Variants in ZNF638 observed in about 807,000 individuals in gnomAD.
ZNF638 encodes zinc finger protein 638.
A neutral mutation model predicts 195.6 loss-of-function variants in ZNF638; 46 were observed. The observed-to-expected ratio is 0.24, with a 90% CI of 0.19 to 0.30. The LOEUF (loss-of-function observed/expected upper bound fraction) is 0.30, where lower values mean the gene tolerates loss of function less well. ZNF638 is among the 10% of genes least tolerant of loss of function. The pLI is 1.00. For synonymous variants in ZNF638, 845 were observed against 772.0 expected (o/e 1.09, Z -1.57); for missense variants, 2,440 against 2,325.3 (o/e 1.05, Z -1.01).
chr2:71,426,940 G>C lies in ZNF638; in HGVS notation c.5071G>C (p.Glu1691Gln). 1 of 1,613,886 alleles carries C rather than the reference G, an allele frequency of 6.2e-7. No individual in the cohort carries two copies. The highest frequency in any genetic ancestry group is 8.5e-7 in the Non-Finnish European group (1 of 1,179,912). Residue 1691 changes from glutamate (E) to glutamine (Q), a missense_variant, in exon 24 of 28, where the codon GAG (glutamate) becomes CAG (glutamine). By Grantham distance (29) the Glu-to-Gln change is conservative (BLOSUM62 2). Coordinates refer to ENST00000264447, the MANE Select transcript of ZNF638 (RefSeq NM_014497.5). Reference protein sequence around the residue: ...VTVDEIGEVEELPLNESADIT... With the variant: ...VTVDEIGEVEQLPLNESADIT... ...TGTGGATGAAATTGGAGAAGTGGAAGAGCTACCTTTGAATGAGTCAGCAGA... is the reference window on the plus strand; with the variant it reads ...TGTGGATGAAATTGGAGAAGTGGAACAGCTACCTTTGAATGAGTCAGCAGA...
At chr2:71,424,449 A>G (rs952332983) in intron 22 of ZNF638, among the ~76,000 whole-genome samples, 3 of 152,188 alleles carry the variant, frequency 2.0e-5, no homozygotes, top group Non-Finnish European at 4.4e-5. Context: ...GTAAAACTGA[A>G]TTTAACTACA....
At chr2:71,390,282 A>T (rs1295425796) in intron 10 of ZNF638, among the ~76,000 whole-genome samples, 3 of 151,840 alleles carry the variant, frequency 2.0e-5, no homozygotes, top group African/African-American at 7.3e-5. Flanking sequence ...CCCACAGTCC[A>T]CTCTCTCAGA....
chr2:71,355,699 CT>C lies in ZNF638; in HGVS notation c.1318-16del, dbSNP rs1269613062. The stretch of plus-strand genomic sequence containing the variant: ...CATGAGGAATATTCTAATTTCAACA[CT>C]TTTCTCCTTTTACAATAGGATTGGA... On this transcript the variant is annotated intron_variant, in intron 2 of 27. Coordinates refer to ENST00000264447, the MANE Select transcript of ZNF638 (RefSeq NM_014497.5). 2 of 1,533,554 alleles carry C rather than the reference CT, an allele frequency of 1.3e-6. No individual in the cohort carries two copies. The highest frequency in any genetic ancestry group is 1.9e-5 in the Admixed American group (1 of 52,708). The allele number at this position is 1,533,554 out of a possible 1,614,324, so 95.0% of individuals were successfully genotyped here. A position where few individuals can be genotyped will look rare whatever the true frequency, so the allele number is the denominator to read the frequency against.
In ZNF638 at chr2:71,344,129, C is replaced by CA. The variant is rs201162279; in HGVS notation, c.-202-4616dup. On this transcript the variant is annotated intron_variant, in intron 1 of 27. Transcript: ENST00000264447. Reference sequence around the variant, plus strand: ...TGGGCGACAGAGCGAGACTCCGTCTCAAAAAAAATAAAAATAAAATAACAG... The same window carrying CA: ...TGGGCGACAGAGCGAGACTCCGTCTCAAAAAAAAATAAAAATAAAATAACAG... Among the ~76,000 whole-genome samples the CA allele has an allele frequency of 5.6e-3, 844 of 151,768 alleles. 4 individuals are homozygous for CA. The highest frequency in any genetic ancestry group is 8.4e-3 in the Admixed American group (128 of 15,264).
At position 71,403,909 on chromosome 2, in the gene ZNF638, G is replaced by A. The variant is rs1329771043; in HGVS notation, c.2869G>A (p.Val957Ile). ...EINRKAAESMVKFYTCFPVLM... is the reference protein window; with the variant it reads ...EINRKAAESMIKFYTCFPVLM... Reference sequence around the variant, plus strand: ...AAATAGAAAAGCTGCTGAGTCTATGGTAAAATTTTATACCTGCTTCCCAGT... The same window carrying A: ...AAATAGAAAAGCTGCTGAGTCTATGATAAAATTTTATACCTGCTTCCCAGT... The change falls in exon 17 of 28, where the codon GTA becomes ATA. Residue 957 changes from valine (V) to isoleucine (I), a missense_variant. This residue lies in a region of ZNF638 where 1,883 missense variants were observed against 1,739.1 expected (regional missense o/e 1.08). Coordinates refer to ENST00000264447, the MANE Select transcript of ZNF638 (RefSeq NM_014497.5). 6.2e-7 allele frequency: 1 copy of A among 1,604,198 alleles called. No individual in the cohort carries two copies. Among genetic ancestry groups the A allele is most frequent in the Non-Finnish European group, 8.5e-7 (1 of 1,171,984 alleles).
intron 25 of ZNF638, among the ~76,000 whole-genome samples, chr2:71,429,125 C>T (rs1316480141): frequency 6.6e-6 from 1 of 152,110 alleles, no homozygotes; most frequent in African/African-American, 2.4e-5. Context: ...AAAGGGTAGA[C>T]AAAAGAAAGT....
intron 3 of ZNF638, among the ~76,000 whole-genome samples, chr2:71,359,118 G>A (rs1191007171): frequency 6.6e-6 from 1 of 152,094 alleles, no homozygotes; most frequent in Non-Finnish European, 1.5e-5. Context: ...TATCTCTGAG[G>A]TATGCCTATG....
At position 71,422,933 on chromosome 2, in the gene ZNF638, T is replaced by C. The variant is rs1401812155; in HGVS notation, c.3419T>C (p.Leu1140Ser). Reference protein sequence around the residue: ...ESTPSIQTETLVQQEEPCEEE... With the variant: ...ESTPSIQTETSVQQEEPCEEE... Reference sequence around the variant, plus strand: ...ACTCCCAGCATTCAAACAGAAACTTTGGTACAGCAGGAAGAGCCTTGTGAG... The same window carrying C: ...ACTCCCAGCATTCAAACAGAAACTTCGGTACAGCAGGAAGAGCCTTGTGAG... Residue 1140 changes from leucine (L) to serine (S), a missense_variant, in exon 22 of 28, where the codon TTG becomes TCG. Physicochemically the swap from Leu to Ser is moderately radical, Grantham distance 145. Coordinates refer to ENST00000264447, the MANE Select transcript of ZNF638 (RefSeq NM_014497.5). 1.9e-6 allele frequency: 3 copies of C among 1,613,980 alleles called. No individual in the cohort carries two copies. The highest frequency in any genetic ancestry group is 2.5e-6 in the Non-Finnish European group (3 of 1,179,970).
chr2:71,394,677 G>T (rs1452260996), intron 10 of ZNF638, among the ~76,000 whole-genome samples: 4 of 152,128 alleles, frequency 2.6e-5, no homozygotes, highest in African/African-American at 9.7e-5. Flanking sequence ...CCTGTCCCAG[G>T]TCAGACACCA....
chr2:71,375,181 G>C (rs1046947130), intron 8 of ZNF638: 6 of 151,906 alleles, frequency 3.9e-5, no homozygotes, highest in African/African-American at 1.5e-4. Context: ...GTCCTGGTTT[G>C]GATAATAAAT....
At chr2:71,395,729 A>C (rs1032640898) in intron 10 of ZNF638, 3 of 408,394 alleles carry the variant, frequency 7.3e-6, no homozygotes, top group African/African-American at 6.2e-5. Flanking sequence ...AAGGCCGAAC[A>C]GTCCCCTAGC....
At chr2:71,379,368 T>C (rs965142463) in intron 8 of ZNF638, 6 of 152,230 alleles carry the variant, frequency 3.9e-5, no homozygotes, top group East Asian at 1.9e-4. Context: ...TGAAATTTCA[T>C]GCAGTCCAAC....
In ZNF638 at chr2:71,422,308, A is replaced by G. The variant is rs144977417; in HGVS notation, c.3300-506A>G. Among the ~76,000 whole-genome samples, 1,134 of 152,248 alleles carry G rather than the reference A, an allele frequency of 7.4e-3. 11 individuals are homozygous for G. The highest frequency in any genetic ancestry group is 0.011 in the Non-Finnish European group (761 of 68,000). On this transcript the variant is annotated intron_variant, in intron 21 of 27. Coordinates refer to ENST00000264447, the MANE Select transcript of ZNF638 (RefSeq NM_014497.5). ...AAAATATTTTACATCCAAAAAAAAA[A>G]TAAAAAGGTGATATGATTTAGAGTA...
chr2:71,377,499 A>G (rs187041938), intron 8 of ZNF638, among the ~76,000 whole-genome samples: 127 of 152,352 alleles, frequency 8.3e-4, no homozygotes, highest in African/African-American at 2.9e-3. Flanking sequence ...CAGAAAATCT[A>G]ATGAATTAAC....
intron 15 of ZNF638, among the ~76,000 whole-genome samples, chr2:71,401,248 T>G (rs140211622): frequency 6.6e-6 from 1 of 152,122 alleles, no homozygotes; most frequent in Non-Finnish European, 1.5e-5. Context: ...GCACATCATC[T>G]TTAGAAATTT....
intron 25 of ZNF638, 136 bp downstream of exon 25, chr2:71,428,787 T>C (rs2080593241): frequency 1.6e-6 from 1 of 612,506 alleles, no homozygotes; most frequent in South Asian, 2.3e-5. Context: ...CTATAGTTAT[T>C]AGATGTGGGT....
intron 10 of ZNF638, 72 bp from the exon 11 acceptor site, chr2:71,396,068 AG>A: frequency 7.3e-7 from 1 of 1,376,432 alleles, no homozygotes; most frequent in Non-Finnish European, 1.0e-6. Flanking sequence ...AATTATTGCT[AG>A]GTTGACTTTT....
Position 71,423,977 on chromosome 2 carries a change from A to C in ZNF638, c.4463A>C (p.Lys1488Thr). ...LSKLDYRDITKQSQETEARPS... is the reference protein window; with the variant it reads ...LSKLDYRDITTQSQETEARPS... ...AAACTGGATTACAGAGATATAACAA[A>C]ACAATCTCAGGAAACAGAGGCTAGA... is the stretch of plus-strand genomic sequence containing the variant. The change falls in exon 22 of 28, where the codon AAA (lysine) becomes ACA (threonine). Residue 1488 changes from lysine (K) to threonine (T), a missense_variant. By Grantham distance (78) the Lys-to-Thr change is moderately conservative. Transcript: ENST00000264447. 6.2e-7 allele frequency: 1 copy of C among 1,614,128 alleles called. No homozygotes were observed. The highest frequency in any genetic ancestry group is 8.5e-7 in the Non-Finnish European group (1 of 1,180,012).
At chr2:71,406,010 T>C (rs1558873118) in intron 18 of ZNF638, 118 bp from the exon 19 acceptor site, 4 of 1,222,908 alleles carry the variant, frequency 3.3e-6, no homozygotes, top group African/African-American at 1.5e-5. Context: ...GTAGTCATTT[T>C]CTTACTCTTG....
Sources: gnomAD v4.1 joint callset for allele counts (sites outside exome capture counted in the v4.1 genomes callset) on GRCh38, gnomAD v4.1.1 for gene constraint, gnomAD v4.1.1 regional missense constraint, MANE v1.5 for transcripts, NCBI Gene and HGNC (gene_info 2026-07-23, HGNC 2026-07-21) for gene names.